PHKA1: variants seen among roughly 807,000 people sequenced by gnomAD.
PHKA1 encodes phosphorylase b kinase regulatory subunit alpha, skeletal muscle isoform.
PHKA1 carries 60 observed loss-of-function variants against 110.2 expected under a neutral mutation model. That is an observed-to-expected ratio of 0.54 (90% CI 0.44 to 0.68). The LOEUF is 0.68. PHKA1 is among the 30% of genes least tolerant of loss of function. The pLI, the probability that PHKA1 is intolerant of heterozygous loss-of-function variation, is 0.00. For synonymous variants in PHKA1, 316 were observed against 333.6 expected, an observed-to-expected ratio of 0.95 and a Z score of 0.58; for missense variants, 801 against 942.5, an observed-to-expected ratio of 0.85 and a Z score of 1.97.
intron 13 of PHKA1, 29 bp from the exon 14 acceptor site, chrX:72,644,525 C>G: frequency 8.5e-7 from 1 of 1,182,380 alleles, no homozygotes; most frequent in Non-Finnish European, 1.1e-6. Context: ...ATGAGGTCAA[C>G]AGAAAATTTT....
chrX:72,703,876 A>G lies in PHKA1; in HGVS notation c.285+1322T>C, dbSNP rs782558887. 7.2e-4 allele frequency among the ~76,000 whole-genome samples: 81 copies of G among 111,762 alleles called. 1 individual carries two copies. The highest frequency in any genetic ancestry group is 2.2e-3 in the African/African-American group (69 of 30,777). On this transcript the variant is annotated intron_variant, in intron 3 of 31. Coordinates refer to ENST00000373542, the MANE Select transcript of PHKA1 (RefSeq NM_002637.4). Reference sequence around the variant, plus strand: ...CTTCTTCTAATAAAACACAATCTTGATCTTCAGAAAAGACAGGTAAGATTG... The same window carrying G: ...CTTCTTCTAATAAAACACAATCTTGGTCTTCAGAAAAGACAGGTAAGATTG...
At chrX:72,618,578 C>T (rs2052930742) in intron 21 of PHKA1, 132 bp downstream of exon 21, 2 of 526,466 alleles carry the variant, frequency 3.8e-6, no homozygotes, top group Non-Finnish European at 3.3e-6. Context: ...GGTTTGAAGT[C>T]ACATGATGGA....
chrX:72,646,560 G>C (rs1277927230), intron 13 of PHKA1, among the ~76,000 whole-genome samples: 1 of 111,068 alleles, frequency 9.0e-6, no homozygotes, highest in African/African-American at 3.3e-5. Context: ...AAAGGCTCAA[G>C]GGAACAGAAA....
chrX:72,685,591 T>C (rs1283185384), intron 4 of PHKA1, among the ~76,000 whole-genome samples: 3 of 112,247 alleles, frequency 2.7e-5, no homozygotes, highest in Admixed American at 1.9e-4. Flanking sequence ...TACTTAATCC[T>C]GAGCACTAAA....
intron 21 of PHKA1, among the ~76,000 whole-genome samples, chrX:72,614,455 T>TTATTTTTAC (rs1248856787): frequency 2.7e-5 from 3 of 111,934 alleles, no homozygotes; most frequent in African/African-American, 9.7e-5. Context: ...CAGTGGAAGA[T>TTATTTTTAC]TATTTTTACT....
At chrX:72,662,939 G>A (rs1324494018) in intron 8 of PHKA1, among the ~76,000 whole-genome samples, 1 of 110,479 alleles carries the variant, frequency 9.1e-6, no homozygotes. Flanking sequence ...ATTGGAAGAG[G>A]TACCTGCTCC....
chrX:72,623,608 A>C (rs1569433194), intron 17 of PHKA1, among the ~76,000 whole-genome samples: 1 of 111,181 alleles, frequency 9.0e-6, no homozygotes, highest in Admixed American at 9.6e-5. Context: ...AAGCCTGGAG[A>C]GAATGAAGAT....
In PHKA1 at chrX:72,656,232, C is replaced by T. The variant is rs782533551; in HGVS notation, c.929G>A (p.Arg310His). 11 of 1,209,757 alleles carry T rather than the reference C, an allele frequency of 9.1e-6. No individual in the cohort carries two copies. The highest frequency in any genetic ancestry group is 2.3e-4 in the Middle Eastern group (1 of 4,342). ...CAGCTCAGCTGGTTCATAGTACAGA[C>T]GATTGGGATCCTAGTAAAAACACAA... ...GYKTPKEDPNRLYYEPAELKL... is the reference protein window; with the variant it reads ...GYKTPKEDPNHLYYEPAELKL... The change falls in exon 10 of 32, where the codon CGT becomes CAT. Residue 310 changes from arginine (R) to histidine (H), a missense_variant. Physicochemically the swap from Arg to His is conservative, Grantham distance 29. Around this residue, in one of 2 missense-constraint regions of PHKA1, gnomAD observed 299 missense variants for 423.3 expected, o/e 0.71. Transcript: ENST00000373542.
At chrX:72,674,264 C>T (rs2053747334) in intron 6 of PHKA1, among the ~76,000 whole-genome samples, 1 of 110,523 alleles carries the variant, frequency 9.0e-6, no homozygotes, top group Admixed American at 9.6e-5. Context: ...CCACAATAAA[C>T]ATATGTGTGC....
chrX:72,711,482 C>T (rs901428680), intron 2 of PHKA1, among the ~76,000 whole-genome samples: 4 of 111,177 alleles, frequency 3.6e-5, no homozygotes, highest in South Asian at 7.7e-4. Context: ...CGGTGGCTCA[C>T]GCCTGTAATC....
Position 72,609,605 on chromosome X carries a change from C to T in PHKA1, c.2606+19G>A. On this transcript the variant is annotated intron_variant, in intron 23 of 31. Coordinates refer to ENST00000373542, the MANE Select transcript of PHKA1 (RefSeq NM_002637.4). ...CCACTCCTTCTCAGAGAAGCCTGAC[C>T]AAACCCAGCCATACTCACGCAGAGA... 1 of 1,156,834 alleles carries T rather than the reference C, an allele frequency of 8.6e-7. No homozygotes were observed. The highest frequency in any genetic ancestry group is 1.8e-5 in the African/African-American group (1 of 56,737).
chrX:72,626,611 T>C (rs782660325), intron 17 of PHKA1, among the ~76,000 whole-genome samples: 9 of 111,758 alleles, frequency 8.1e-5, no homozygotes, highest in Non-Finnish European at 1.3e-4. Flanking sequence ...AAACTGCAGA[T>C]AGTACTGAAC....
chrX:72,670,435 C>T (rs782619086), intron 6 of PHKA1, among the ~76,000 whole-genome samples: 7 of 111,385 alleles, frequency 6.3e-5, no homozygotes, highest in South Asian at 3.8e-4. Context: ...GTGTTTTAGA[C>T]GTGAAGGATA....
At chrX:72,668,013 A>G (rs926402891) in intron 6 of PHKA1, among the ~76,000 whole-genome samples, 11 of 111,815 alleles carry the variant, frequency 9.8e-5, no homozygotes, top group African/African-American at 3.6e-4. Flanking sequence ...TACAATTAAT[A>G]ATATAGTGTA....
At chrX:72,712,651 T>C (rs782466564) in intron 2 of PHKA1, 128 bp downstream of exon 2, 1 of 598,462 alleles carries the variant, frequency 1.7e-6, no homozygotes, top group Admixed American at 2.7e-5. Flanking sequence ...AGAAAGATGA[T>C]GAAAGAGGGA....
intron 6 of PHKA1, among the ~76,000 whole-genome samples, chrX:72,669,713 T>C (rs1264746569): frequency 9.1e-6 from 1 of 109,649 alleles, no homozygotes. Context: ...CATGAACTCA[T>C]CATTTTTTAT....
At chrX:72,643,240 CAT>C (rs1187104844) in intron 14 of PHKA1, among the ~76,000 whole-genome samples, 1 of 110,974 alleles carries the variant, frequency 9.0e-6, no homozygotes, top group East Asian at 2.8e-4. Context: ...AAAAAGTACA[CAT>C]ACACACATAC....
chrX:72,687,688 T>TA (rs1334705880), intron 4 of PHKA1, among the ~76,000 whole-genome samples: 2 of 111,082 alleles, frequency 1.8e-5, no homozygotes, highest in African/African-American at 3.3e-5. Context: ...CATTAAACTT[T>TA]AAAAAAAACT....
At chrX:72,664,082 C>G (rs782034754) in intron 8 of PHKA1, among the ~76,000 whole-genome samples, 6 of 111,175 alleles carry the variant, frequency 5.4e-5, no homozygotes, top group Non-Finnish European at 9.4e-5. Context: ...AGGAGAAAGT[C>G]CTCATTTATC....
Sources: gnomAD v4.1 joint callset for allele counts (sites outside exome capture counted in the v4.1 genomes callset) on GRCh38, gnomAD v4.1.1 for gene constraint, gnomAD v4.1.1 regional missense constraint, MANE v1.5 for transcripts, NCBI Gene and HGNC (gene_info 2026-07-23, HGNC 2026-07-21) for gene names.